Variants in KIAA1671 observed in about 807,000 individuals in gnomAD.
KIAA1671 encodes the protein uncharacterized protein KIAA1671.
In KIAA1671, 52 loss-of-function variants were observed where a neutral mutation model predicts 131.2. The ratio of observed to expected loss-of-function variants is 0.40; its 90% CI spans 0.32 to 0.50. The LOEUF is 0.50. KIAA1671 is among the 20% of genes least tolerant of loss of function. The pLI is 0.73. For synonymous variants in KIAA1671, 1,003 were observed against 961.6 expected (o/e 1.04, Z -0.80); for missense variants, 2,360 against 2,364.2 (o/e 1.00, Z 0.04).
intron 5 of KIAA1671, among the ~76,000 whole-genome samples, chr22:25,044,523 A>C (rs982893776): frequency 6.6e-5 from 10 of 152,144 alleles, no homozygotes; most frequent in Non-Finnish European, 1.2e-4. Context: ...CGCAGGCCCC[A>C]GCAGTGCTGG....
chr22:25,038,526 CAGGATAGATACA>C (rs1212716974), intron 4 of KIAA1671, among the ~76,000 whole-genome samples: 2 of 152,224 alleles, frequency 1.3e-5, no homozygotes, highest in East Asian at 3.9e-4. Flanking sequence ...ATTTTAACAT[CAGGATAGATACA>C]TTGCTTTGCC....
At position 25,006,190 on chromosome 22, in the gene KIAA1671, C is replaced by G. The variant is rs1051155789; in HGVS notation, c.-207-19443C>G. 2.6e-5 allele frequency among the ~76,000 whole-genome samples: 4 copies of G among 152,036 alleles called. No homozygotes were observed. In the East Asian group the frequency reaches 7.7e-4, roughly 29 times the overall value. On this transcript the variant is annotated intron_variant, in intron 1 of 12. Coordinates refer to ENST00000358431, the MANE Select transcript of KIAA1671 (RefSeq NM_001145206.2). ...GGGACTACATGCGCCCGCCACCATGCCTGGCTAGTTTTTTGTATTTTTAGT... is the reference window on the plus strand; with the variant it reads ...GGGACTACATGCGCCCGCCACCATGGCTGGCTAGTTTTTTGTATTTTTAGT...
In KIAA1671 at chr22:25,112,292, C is replaced by A. The variant is rs552378263; in HGVS notation, c.4531-58528C>A. 1.0e-5 allele frequency: 4 copies of A among 398,972 alleles called. No individual in the cohort carries two copies. In the East Asian group the frequency reaches 1.4e-4, roughly 14 times the overall value. The allele number at this position is 398,972 out of a possible 1,614,324, so 24.7% of individuals were successfully genotyped here. A position where few individuals can be genotyped will look rare whatever the true frequency, so the allele number is the denominator to read the frequency against. ...CAATTTGGTGACCACCACGGTGGGC[C>A]ACGAACGGACGAGTGCAGAGTCGGC... On this transcript the variant is annotated intron_variant, in intron 6 of 12. Coordinates refer to ENST00000358431, the MANE Select transcript of KIAA1671 (RefSeq NM_001145206.2).
chr22:25,156,954 C>T (rs1235224508), intron 6 of KIAA1671, among the ~76,000 whole-genome samples: 2 of 152,190 alleles, frequency 1.3e-5, no homozygotes, highest in Non-Finnish European at 2.9e-5. Context: ...GGCTGCAGTT[C>T]TGTCACCTGA....
intron 7 of KIAA1671, among the ~76,000 whole-genome samples, chr22:25,171,735 T>A (rs1460262297): frequency 1.3e-5 from 2 of 151,320 alleles, no homozygotes; most frequent in African/African-American, 4.9e-5. Context: ...AAAATAATAA[T>A]AATAATAATG....
At chr22:25,147,194 T>G (rs528880248) in intron 6 of KIAA1671, among the ~76,000 whole-genome samples, 3 of 104,942 alleles carry the variant, frequency 2.9e-5, no homozygotes, top group African/African-American at 1.4e-4. Flanking sequence ...TTTATTTTAT[T>G]TTATTTTATT....
intron 1 of KIAA1671, among the ~76,000 whole-genome samples, chr22:24,962,464 C>T (rs1243755237): frequency 6.6e-6 from 1 of 152,134 alleles, no homozygotes; most frequent in African/African-American, 2.4e-5. Context: ...GGGAATATTG[C>T]AGGGAACCTG....
At chr22:24,956,685 T>C (rs1921717844) in intron 1 of KIAA1671, among the ~76,000 whole-genome samples, 1 of 151,742 alleles carries the variant, frequency 6.6e-6, no homozygotes, top group Admixed American at 6.6e-5. Context: ...GCTAACACGG[T>C]GAAACCCCGT....
Position 25,029,083 on chromosome 22 carries a change from C to A in KIAA1671, c.1084C>A (p.Pro362Thr). 1 of 1,495,636 alleles carries A rather than the reference C, an allele frequency of 6.7e-7. No individual in the cohort carries two copies. Among genetic ancestry groups the A allele is most frequent in the Non-Finnish European group, 8.9e-7 (1 of 1,120,170 alleles). 92.6% of individuals were successfully genotyped at this position (1,495,636 alleles called of 1,614,324 possible). A position where few individuals can be genotyped will look rare whatever the true frequency, so the allele number is the denominator to read the frequency against. ...ACGGAAGGAGAAGATGCTTTCGAAG[C>A]CGGAGATGGGCAGCCCCAGAGCCCT... ...RERKEKMLSK[P>T]EMGSPRALVG... The change falls in exon 3 of 13, where the codon CCG becomes ACG. Residue 362 changes from proline (P) to threonine (T), a missense_variant. Pro to Thr is a conservative substitution (Grantham distance 38, BLOSUM62 -1). Around this residue, in one of 3 missense-constraint regions of KIAA1671, gnomAD observed 1,185 missense variants for 1,126.2 expected, o/e 1.05. Transcript: ENST00000358431.
Position 25,028,212 on chromosome 22 carries a change from C to T in KIAA1671, c.213C>T (p.Phe71=), listed in dbSNP as rs1926060910. 2.6e-6 allele frequency: 4 copies of T among 1,551,292 alleles called. No homozygotes were observed. Among genetic ancestry groups the T allele is most frequent in the Middle Eastern group, 1.7e-4 (1 of 5,990 alleles). Residue 71 remains phenylalanine (F), a synonymous_variant, in exon 3 of 13, where the codon TTC becomes TTT. Transcript: ENST00000358431. ...LPLPRLAPKP[F]SKEQDVKSPV... The stretch of plus-strand genomic sequence containing the variant: ...TGCCAAGGCTCGCCCCCAAACCCTT[C>T]TCGAAGGAGCAGGACGTGAAATCTC...
In KIAA1671 at chr22:25,120,828, T is replaced by C. The variant is rs528413078; in HGVS notation, c.4531-49992T>C. ...TTTTAATGCCCTTGCAACATTTGTGTGCTCCATAATTTATTAACCTGTCTG... is the reference window on the plus strand; with the variant it reads ...TTTTAATGCCCTTGCAACATTTGTGCGCTCCATAATTTATTAACCTGTCTG... On this transcript the variant is annotated intron_variant, in intron 6 of 12. Transcript: ENST00000358431. 4.6e-5 allele frequency among the ~76,000 whole-genome samples: 7 copies of C among 152,376 alleles called. No homozygotes were observed. In the South Asian group the frequency reaches 1.2e-3, roughly 27 times the overall value.
chr22:25,174,525 G>C, intron 8 of KIAA1671, 36 bp downstream of exon 8: 1 of 1,475,378 alleles, frequency 6.8e-7, no homozygotes, highest in Non-Finnish European at 9.0e-7. Context: ...TTCTTAAATG[G>C]AAATTCCAGC....
At chr22:25,008,471 T>C (rs1232763094) in intron 1 of KIAA1671, among the ~76,000 whole-genome samples, 1 of 151,998 alleles carries the variant, frequency 6.6e-6, no homozygotes, top group Non-Finnish European at 1.5e-5. Flanking sequence ...ATGTAGAGCC[T>C]TTGGCATGTC....
At chr22:25,122,601 A>G (rs375169761) in intron 6 of KIAA1671, among the ~76,000 whole-genome samples, 1 of 152,138 alleles carries the variant, frequency 6.6e-6, no homozygotes, top group African/African-American at 2.4e-5. Flanking sequence ...CTTGCCCTTG[A>G]ATTCTTTCTT....
chr22:25,130,944 T>C (rs1317569503), intron 6 of KIAA1671, among the ~76,000 whole-genome samples: 1 of 152,182 alleles, frequency 6.6e-6, no homozygotes, highest in African/African-American at 2.4e-5. Flanking sequence ...CTCCTTGAGG[T>C]TTTTAATATA....
Position 25,040,405 on chromosome 22 carries a change from G to T in KIAA1671, c.3275G>T (p.Arg1092Leu). 1 of 1,551,952 alleles carries T rather than the reference G, an allele frequency of 6.4e-7. No individual in the cohort carries two copies. Among genetic ancestry groups the T allele is most frequent in the Non-Finnish European group, 8.7e-7 (1 of 1,147,052 alleles). Residue 1092 changes from arginine (R) to leucine (L), a missense_variant, in exon 5 of 13, where the codon CGA becomes CTA. Around this residue, in one of 3 missense-constraint regions of KIAA1671, gnomAD observed 1,161 missense variants for 1,204.7 expected, o/e 0.96. Coordinates refer to ENST00000358431, the MANE Select transcript of KIAA1671 (RefSeq NM_001145206.2). ...GGCAGTAAAAACTGGATGAAGGGAC[G>T]AGAGCATGAAAATGCAAGCATTTTA... ...MAGSKNWMKGREHENASILKT... is the reference protein window; with the variant it reads ...MAGSKNWMKGLEHENASILKT...
chr22:24,979,700 T>C (rs1357924040), intron 1 of KIAA1671, among the ~76,000 whole-genome samples: 1 of 152,126 alleles, frequency 6.6e-6, no homozygotes, highest in Non-Finnish European at 1.5e-5. Context: ...TTCACATTGT[T>C]GTGCAACTGT....
chr22:25,030,586 G>T (rs1926232941), intron 3 of KIAA1671, among the ~76,000 whole-genome samples: 2 of 152,140 alleles, frequency 1.3e-5, no homozygotes, highest in Non-Finnish European at 2.9e-5. Context: ...TAGTCATTTG[G>T]TTAATACTGA....
At chr22:24,970,505 A>C (rs1922542562) in intron 1 of KIAA1671, among the ~76,000 whole-genome samples, 1 of 152,128 alleles carries the variant, frequency 6.6e-6, no homozygotes, top group Non-Finnish European at 1.5e-5. Flanking sequence ...CGTCTCTATA[A>C]AATGAGGCTA....
Sources: allele counts gnomAD v4.1 joint callset (sites outside exome capture counted in the v4.1 genomes callset), GRCh38; gene constraint gnomAD v4.1.1; regional missense constraint gnomAD v4.1.1; transcripts MANE v1.5; gene names NCBI Gene and HGNC (gene_info 2026-07-23, HGNC 2026-07-21).